SEMA3A: variants seen among roughly 807,000 people sequenced by gnomAD.
The protein encoded by SEMA3A is semaphorin-3A.
A neutral mutation model predicts 97.9 loss-of-function variants in SEMA3A; 29 were observed. The ratio of observed to expected loss-of-function variants is 0.30; its 90% CI spans 0.22 to 0.40. The LOEUF is 0.40. Ranked by LOEUF, SEMA3A falls within the 10% of genes least tolerant of loss-of-function variation. The pLI is 1.00. For missense variants in SEMA3A, 763 were observed against 951.3 expected (o/e 0.80, Z 2.60); for synonymous variants, 321 against 323.7 (o/e 0.99, Z 0.09).
In SEMA3A at chr7:84,105,798, A is replaced by G. The variant is rs1489621712; in HGVS notation, c.453+4672T>C. ...CTCTCAAGGATGACTCACACTTTTCATTTCAATGGCATGGATGCTGAGAGC... is the reference window on the plus strand; with the variant it reads ...CTCTCAAGGATGACTCACACTTTTCGTTTCAATGGCATGGATGCTGAGAGC... On this transcript the variant is annotated intron_variant, in intron 4 of 16. Transcript: ENST00000265362. Among the ~76,000 whole-genome samples, 9 of 152,292 alleles carry G rather than the reference A, an allele frequency of 5.9e-5. No individual in the cohort carries two copies. In the East Asian group the frequency reaches 1.7e-3, roughly 29 times the overall value.
chr7:84,415,330 C>T (rs762952209), intron 1 of SEMA3A, among the ~76,000 whole-genome samples: 23 of 151,878 alleles, frequency 1.5e-4, no homozygotes, highest in South Asian at 4.1e-4. Context: ...AATGGGTATA[C>T]CAAAGGATAT....
At chr7:84,316,348 C>T (rs1172330017) in intron 2 of SEMA3A, among the ~76,000 whole-genome samples, 2 of 151,364 alleles carry the variant, frequency 1.3e-5, no homozygotes. Flanking sequence ...TAAAGAGTTA[C>T]TTGGAAATAA....
At chr7:84,107,437 C>T (rs961929849) in intron 4 of SEMA3A, among the ~76,000 whole-genome samples, 2 of 152,186 alleles carry the variant, frequency 1.3e-5, no homozygotes, top group Admixed American at 6.5e-5. Context: ...AATCATCTTA[C>T]TTCTGATCCC....
intron 3 of SEMA3A, among the ~76,000 whole-genome samples, chr7:84,270,023 G>A (rs1416452932): frequency 6.6e-6 from 1 of 152,036 alleles, no homozygotes; most frequent in Non-Finnish European, 1.5e-5. Flanking sequence ...AAAACTTGTT[G>A]AGCAAGTGTG....
At chr7:84,069,954 T>G (rs1347397068) in intron 4 of SEMA3A, among the ~76,000 whole-genome samples, 3 of 152,158 alleles carry the variant, frequency 2.0e-5, no homozygotes, top group African/African-American at 7.2e-5. Context: ...AAATATCACA[T>G]AGACCACTAT....
intron 4 of SEMA3A, among the ~76,000 whole-genome samples, chr7:84,068,863 A>G (rs1793639842): frequency 6.6e-6 from 1 of 152,100 alleles, no homozygotes; most frequent in Non-Finnish European, 1.5e-5. Flanking sequence ...ATCCTTCGTC[A>G]TGGTGTCAGG....
At chr7:84,241,788 T>C (rs1799370803) in intron 3 of SEMA3A, among the ~76,000 whole-genome samples, 1 of 152,322 alleles carries the variant, frequency 6.6e-6, no homozygotes, top group East Asian at 1.9e-4. Flanking sequence ...TTAATCCATC[T>C]TGAGTTAATT....
intron 12 of SEMA3A, among the ~76,000 whole-genome samples, chr7:83,994,472 G>A (rs28789406): frequency 0.041 from 3,826 of 92,292 alleles, 228 homozygotes; most frequent in East Asian, 0.28. Flanking sequence ...CTTTGATGAT[G>A]GTGATGTACA....
intron 12 of SEMA3A, among the ~76,000 whole-genome samples, chr7:84,001,650 T>G (rs886318913): frequency 3.5e-5 from 5 of 144,570 alleles, no homozygotes; most frequent in African/African-American, 1.3e-4. Flanking sequence ...ATTTTAGGAG[T>G]GGGGAAGAGT....
rs559930558 is a variant in SEMA3A at position 84,028,965 on chromosome 7, T to C, written c.668-14614A>G. On this transcript the variant is annotated intron_variant, in intron 6 of 16. Coordinates refer to ENST00000265362, the MANE Select transcript of SEMA3A (RefSeq NM_006080.3). ...AATTAATTCTGTCACATTTCAACTT[T>C]GCATTTCTATATTATTGATTGACTG... is the stretch of plus-strand genomic sequence containing the variant. 1.1e-3 allele frequency among the ~76,000 whole-genome samples: 174 copies of C among 152,274 alleles called. 1 individual carries two copies. The highest frequency in any genetic ancestry group is 3.9e-3 in the African/African-American group (164 of 41,556).
At chr7:84,454,321 T>C (rs1247204203) in intron 1 of SEMA3A, among the ~76,000 whole-genome samples, 3 of 152,164 alleles carry the variant, frequency 2.0e-5, no homozygotes, top group Non-Finnish European at 4.4e-5. Flanking sequence ...CAGTAAGACA[T>C]ACATCAGACA....
chr7:84,445,924 C>T (rs995938911), intron 1 of SEMA3A, among the ~76,000 whole-genome samples: 4 of 151,812 alleles, frequency 2.6e-5, no homozygotes, highest in African/African-American at 4.8e-5. Context: ...AGTTTACCCT[C>T]TTAAAATATC....
In SEMA3A at chr7:84,137,477, C is replaced by G. The variant is rs143967290; in HGVS notation, c.113-2526G>C. ...TACAAATGATCAATGCTATGCTACC[C>G]AGAGTCAATAAAAGTCTGAAATTTC... On this transcript the variant is annotated intron_variant, in intron 1 of 16. Transcript: ENST00000265362. Among the ~76,000 whole-genome samples, 139 of 151,318 alleles carry G rather than the reference C, an allele frequency of 9.2e-4. 2 individuals carry two copies. The highest frequency in any genetic ancestry group is 3.0e-3 in the African/African-American group (123 of 41,320).
chr7:84,280,563 C>T (rs1217690753), intron 3 of SEMA3A, among the ~76,000 whole-genome samples: 1 of 151,954 alleles, frequency 6.6e-6, no homozygotes, highest in Non-Finnish European at 1.5e-5. Flanking sequence ...GTGGGCATGT[C>T]ACCTAAGTTC....
intron 1 of SEMA3A, among the ~76,000 whole-genome samples, chr7:84,463,312 A>G (rs1281942712): frequency 2.6e-4 from 35 of 135,284 alleles, no homozygotes; most frequent in Admixed American, 2.4e-4. Context: ...GCAGTGGCGC[A>G]ATCTCGGCTC....
At chr7:84,366,331 A>G (rs553242100) in intron 2 of SEMA3A, among the ~76,000 whole-genome samples, 5 of 151,544 alleles carry the variant, frequency 3.3e-5, no homozygotes, top group Middle Eastern at 3.4e-3. Context: ...AAGCAGAAAT[A>G]TATCATCCCA....
At chr7:84,018,949 A>G (rs1335207424) in intron 6 of SEMA3A, among the ~76,000 whole-genome samples, 1 of 152,160 alleles carries the variant, frequency 6.6e-6, no homozygotes, top group Non-Finnish European at 1.5e-5. Flanking sequence ...ACAATAAAAA[A>G]CAATTGCAGT....
chr7:84,397,451 T>C (rs1316643992), intron 1 of SEMA3A, among the ~76,000 whole-genome samples: 2 of 148,212 alleles, frequency 1.3e-5, no homozygotes, highest in African/African-American at 2.4e-5. Context: ...ATTTTACATA[T>C]ATAACGTATA....
Position 83,961,443 on chromosome 7 carries a change from C to T in SEMA3A, c.2244G>A (p.Lys748=), listed in dbSNP as rs755748248. 5 of 1,613,954 alleles carry T rather than the reference C, an allele frequency of 3.1e-6. No individual in the cohort carries two copies. The African/African-American group carries it at 5.3e-5, about 17-fold the overall frequency. The part of the protein sequence containing the change: ...GHTPGNSNKW[K]HLQENKKGRN... ...TACCTTTCTTATTTTCTTGTAAGTG[C>T]TTCCATTTGTTACTGTTCCCTGGGG... is the stretch of plus-strand genomic sequence containing the variant. Residue 748 remains lysine, a synonymous_variant, in exon 17 of 17, where the codon AAG becomes AAA. Transcript: ENST00000265362.
Sources: gnomAD v4.1 joint callset for allele counts (sites outside exome capture counted in the v4.1 genomes callset) on GRCh38, gnomAD v4.1.1 for gene constraint, MANE v1.5 for transcripts, NCBI Gene and HGNC (gene_info 2026-07-23, HGNC 2026-07-21) for gene names.